Variants in LHFPL3 observed in about 807,000 individuals in gnomAD.
LHFPL3 encodes the protein LHFPL tetraspan subfamily member 3 protein.
Under a neutral mutation model 19.3 loss-of-function variants are expected in LHFPL3, and 5 were observed. That is an observed-to-expected ratio of 0.26 (90% CI 0.14 to 0.54). The LOEUF (loss-of-function observed/expected upper bound fraction) is 0.54. Ranked by LOEUF, LHFPL3 falls within the 20% of genes least tolerant of loss-of-function variation. LHFPL3 has a pLI of 0.94. For missense variants in LHFPL3, 249 were observed against 307.4 expected, an observed-to-expected ratio of 0.81 and a Z score of 1.42; for synonymous variants, 133 against 126.2, an observed-to-expected ratio of 1.05 and a Z score of -0.36.
chr7:104,453,426 T>C (rs1792479461), intron 1 of LHFPL3, among the ~76,000 whole-genome samples: 1 of 152,088 alleles, frequency 6.6e-6, no homozygotes, highest in Non-Finnish European at 1.5e-5. Flanking sequence ...AAGTGGGAGA[T>C]AGGGACCCTA....
intron 2 of LHFPL3, chr7:104,845,294 T>A (rs911241724): frequency 3.7e-5 from 28 of 765,046 alleles, no homozygotes; most frequent in Non-Finnish European, 5.9e-5. Context: ...TAGCCAGGAA[T>A]GACGTTGTCA....
chr7:104,496,211 T>C lies in LHFPL3; in HGVS notation c.445+166987T>C, dbSNP rs573885277. ...TTCAATTCCCACCTATGAGTGAGAA[T>C]ATGCGGTGTTTGGTTTTTTGTCCTT... On this transcript the variant is annotated intron_variant, in intron 1 of 2. Coordinates refer to ENST00000424859, the MANE Select transcript of LHFPL3 (RefSeq NM_199000.3). Among the ~76,000 whole-genome samples, 20 of 152,236 alleles carry C rather than the reference T, an allele frequency of 1.3e-4. No individual in the cohort carries two copies. In the South Asian group the frequency reaches 3.1e-3, roughly 24 times the overall value.
At chr7:104,832,427 A>G (rs1033608124) in intron 2 of LHFPL3, among the ~76,000 whole-genome samples, 4 of 151,798 alleles carry the variant, frequency 2.6e-5, no homozygotes, top group African/African-American at 9.7e-5. Flanking sequence ...TTTCATAACC[A>G]GTTTTCATTT....
intron 2 of LHFPL3, among the ~76,000 whole-genome samples, chr7:104,899,411 A>C (rs991611902): frequency 6.6e-6 from 1 of 152,096 alleles, no homozygotes; most frequent in Non-Finnish European, 1.5e-5. Flanking sequence ...AGGAAGGCCA[A>C]TTGACTTCAA....
rs1554394354 is a variant in LHFPL3, at chr7:104,440,035, T to TGG, written c.445+110820_445+110821dup. 3.3e-3 allele frequency among the ~76,000 whole-genome samples: 280 copies of TGG among 84,934 alleles called. 1 individual carries two copies. The highest frequency in any genetic ancestry group is 5.7e-3 in the Non-Finnish European group (209 of 36,738). 55.7% of individuals were successfully genotyped at this position (84,934 alleles called of 152,430 possible). On this transcript the variant is annotated intron_variant, in intron 1 of 2. Coordinates refer to ENST00000424859, the MANE Select transcript of LHFPL3 (RefSeq NM_199000.3). ...CAAGATTACTATATAATACAAAGCC[T>TGG]GGGGGGGGGGAGGGATAGCATTAGG...
intron 1 of LHFPL3, among the ~76,000 whole-genome samples, chr7:104,608,343 G>T (rs1336785459): frequency 6.6e-6 from 1 of 151,930 alleles, no homozygotes; most frequent in Non-Finnish European, 1.5e-5. Flanking sequence ...CATGTCCTTT[G>T]TAGGGACATG....
chr7:104,874,408 G>GC (rs1022312642), intron 2 of LHFPL3, among the ~76,000 whole-genome samples: 1 of 115,342 alleles, frequency 8.7e-6, no homozygotes, highest in East Asian at 3.8e-4. Flanking sequence ...TTTTTTTTTG[G>GC]GGGGGGGACA....
At chr7:104,480,149 G>A (rs138865801) in intron 1 of LHFPL3, among the ~76,000 whole-genome samples, 379 of 152,304 alleles carry the variant, frequency 2.5e-3, no homozygotes, top group South Asian at 6.0e-3. Context: ...ACAGACCCCA[G>A]TGTGAATCCT....
chr7:104,904,625 T>C (rs1423760059), intron 2 of LHFPL3, among the ~76,000 whole-genome samples: 1 of 152,172 alleles, frequency 6.6e-6, no homozygotes, highest in East Asian at 1.9e-4. Context: ...CACTCTGGCC[T>C]GGGTGACAGA....
chr7:104,732,499 A>C (rs1206268671), intron 1 of LHFPL3, among the ~76,000 whole-genome samples: 3 of 151,986 alleles, frequency 2.0e-5, no homozygotes, highest in Non-Finnish European at 4.4e-5. Flanking sequence ...TAGATTTTCT[A>C]GTTTGTTTTT....
At chr7:104,861,846 T>C (rs1047125382) in intron 2 of LHFPL3, among the ~76,000 whole-genome samples, 1 of 152,162 alleles carries the variant, frequency 6.6e-6, no homozygotes, top group Non-Finnish European at 1.5e-5. Context: ...AGCTTTGGAT[T>C]GGCAGAGACA....
intron 1 of LHFPL3, among the ~76,000 whole-genome samples, chr7:104,694,125 G>A (rs1792956346): frequency 1.3e-5 from 2 of 152,300 alleles, no homozygotes; most frequent in East Asian, 3.9e-4. Context: ...GCCAGAAAAG[G>A]TGTTCTAGAA....
intron 1 of LHFPL3, among the ~76,000 whole-genome samples, chr7:104,567,325 G>A (rs1245673170): frequency 6.6e-6 from 1 of 152,190 alleles, no homozygotes; most frequent in Non-Finnish European, 1.5e-5. Context: ...AGATACATTG[G>A]TCATTCTCAG....
At chr7:104,721,525 A>G (rs905454623) in intron 1 of LHFPL3, among the ~76,000 whole-genome samples, 6 of 149,752 alleles carry the variant, frequency 4.0e-5, no homozygotes, top group African/African-American at 1.2e-4. Flanking sequence ...GTACCCTAGA[A>G]CTTAAAGTAT....
chr7:104,724,408 A>C (rs571383084), intron 1 of LHFPL3, among the ~76,000 whole-genome samples: 1 of 152,204 alleles, frequency 6.6e-6, no homozygotes, highest in African/African-American at 2.4e-5. Context: ...CAGAAAATAA[A>C]ACTTCTGTTA....
intron 1 of LHFPL3, among the ~76,000 whole-genome samples, chr7:104,455,155 G>A (rs918476640): frequency 4.6e-5 from 7 of 152,144 alleles, no homozygotes; most frequent in Admixed American, 1.3e-4. Flanking sequence ...TGATGTATAG[G>A]CAGCCCTGTT....
intron 2 of LHFPL3, among the ~76,000 whole-genome samples, chr7:104,760,502 A>T (rs1794353919): frequency 6.6e-6 from 1 of 152,210 alleles, no homozygotes; most frequent in African/African-American, 2.4e-5. Context: ...ATGTAAACAT[A>T]CAGTAGCCTT....
intron 1 of LHFPL3, among the ~76,000 whole-genome samples, chr7:104,625,836 A>G (rs536433753): frequency 2.0e-4 from 31 of 152,302 alleles, no homozygotes; most frequent in African/African-American, 7.5e-4. Context: ...TATCAACCAA[A>G]TACAATGAAG....
At chr7:104,682,887 T>C (rs957938893) in intron 1 of LHFPL3, among the ~76,000 whole-genome samples, 1 of 152,262 alleles carries the variant, frequency 6.6e-6, no homozygotes, top group Non-Finnish European at 1.5e-5. Flanking sequence ...ATGCTTGCTG[T>C]AGACAAGTTA....
Sources: gnomAD v4.1 joint callset for allele counts (sites outside exome capture counted in the v4.1 genomes callset) on GRCh38, gnomAD v4.1.1 for gene constraint, MANE v1.5 for transcripts, NCBI Gene and HGNC (gene_info 2026-07-23, HGNC 2026-07-21) for gene names.